The following SPATA16 variants were observed in gnomAD, a reference collection of about 807,000 sequenced individuals.
The protein encoded by SPATA16 is spermatogenesis-associated protein 16.
A neutral mutation model predicts 63.3 loss-of-function variants in SPATA16; 36 were observed. That is an observed-to-expected ratio of 0.57 (90% confidence interval 0.44 to 0.75). SPATA16 has a LOEUF of 0.75. Among genes scored for constraint, SPATA16 ranks in the 30% least tolerant of loss-of-function variants. The pLI is 0.00. For missense variants in SPATA16, 646 were observed against 679.3 expected (o/e 0.95, Z 0.54); for synonymous variants, 203 against 216.7 (o/e 0.94, Z 0.56).
intron 2 of SPATA16, among the ~76,000 whole-genome samples, chr3:173,098,019 C>A (rs1206551669): frequency 2.0e-5 from 3 of 152,006 alleles, no homozygotes; most frequent in Admixed American, 2.0e-4. Flanking sequence ...AGAGAAGAAG[C>A]CACATACTAT....
chr3:173,128,135 C>T (rs1007948778), intron 1 of SPATA16, among the ~76,000 whole-genome samples: 1 of 152,160 alleles, frequency 6.6e-6, no homozygotes, highest in African/African-American at 2.4e-5. Context: ...TATTTAGTGG[C>T]AATGGCAGGA....
Position 173,117,163 on chromosome 3 carries a change from T to G in SPATA16, c.569A>C (p.Lys190Thr), listed in dbSNP as rs975334320. ...CTGTCCTGCTGCCAAGGCGTATTTCTTTTGTCTATAGCAAGAGCTGGCATC... is the reference window on the plus strand; with the variant it reads ...CTGTCCTGCTGCCAAGGCGTATTTCGTTTGTCTATAGCAAGAGCTGGCATC... ...LKDASSCYRQKKYALAAGQFR... is the reference protein window; with the variant it reads ...LKDASSCYRQTKYALAAGQFR... Residue 190 changes from lysine to threonine, a missense_variant, in exon 2 of 11, where the codon AAG becomes ACG. Physicochemically the swap from Lys to Thr is moderately conservative, Grantham distance 78. Coordinates refer to ENST00000351008, the MANE Select transcript of SPATA16 (RefSeq NM_031955.6). 1 of 1,614,146 alleles carries G rather than the reference T, an allele frequency of 6.2e-7. No individual in the cohort carries two copies. The highest frequency in any genetic ancestry group is 8.5e-7 in the Non-Finnish European group (1 of 1,179,980).
At chr3:172,929,519 C>T (rs764046416) in intron 6 of SPATA16, among the ~76,000 whole-genome samples, 2 of 152,036 alleles carry the variant, frequency 1.3e-5, no homozygotes, top group Non-Finnish European at 2.9e-5. Context: ...TATTATTGTC[C>T]TCTCCTTAAA....
At chr3:173,033,617 G>A (rs1257049924) in intron 3 of SPATA16, among the ~76,000 whole-genome samples, 1 of 152,094 alleles carries the variant, frequency 6.6e-6, no homozygotes, top group Non-Finnish European at 1.5e-5. Context: ...GAGGGTGGAG[G>A]ATTGGTGATG....
At chr3:173,045,121 A>G (rs1397786896) in intron 3 of SPATA16, among the ~76,000 whole-genome samples, 2 of 152,102 alleles carry the variant, frequency 1.3e-5, no homozygotes, top group Admixed American at 1.3e-4. Context: ...CTAAGAACTT[A>G]CAGTAAATTC....
intron 2 of SPATA16, among the ~76,000 whole-genome samples, chr3:173,097,870 G>A (rs1737396963): frequency 6.6e-6 from 1 of 152,262 alleles, no homozygotes; most frequent in Admixed American, 6.5e-5. Context: ...TGGATCTTCT[G>A]GAAGAAAATA....
intron 2 of SPATA16, among the ~76,000 whole-genome samples, chr3:173,100,178 C>T (rs1737456078): frequency 2.0e-5 from 3 of 152,238 alleles, no homozygotes; most frequent in Middle Eastern, 3.4e-3. Context: ...TGAGCAGGCC[C>T]CTTAGTGTCA....
intron 1 of SPATA16, among the ~76,000 whole-genome samples, chr3:173,139,785 A>C (rs1738657562): frequency 6.6e-6 from 1 of 152,202 alleles, no homozygotes; most frequent in Non-Finnish European, 1.5e-5. Flanking sequence ...CAGGACTTTG[A>C]GACCAGCCTG....
intron 2 of SPATA16, among the ~76,000 whole-genome samples, chr3:173,112,993 C>A (rs917500842): frequency 2.0e-5 from 3 of 152,190 alleles, no homozygotes; most frequent in Non-Finnish European, 4.4e-5. Context: ...TTGATAATTT[C>A]TTTGAGTGTT....
intron 2 of SPATA16, among the ~76,000 whole-genome samples, chr3:173,109,819 C>A (rs1021154088): frequency 2.0e-5 from 3 of 152,090 alleles, no homozygotes; most frequent in Non-Finnish European, 4.4e-5. Context: ...TCCTTGAGGG[C>A]AGAAACTGTA....
Position 172,934,646 on chromosome 3 carries a change from A to C in SPATA16, c.1082-9154T>G, listed in dbSNP as rs565773995. Among the ~76,000 whole-genome samples, 3 of 152,286 alleles carry C rather than the reference A, an allele frequency of 2.0e-5. No individual in the cohort carries two copies. The South Asian group carries it at 6.2e-4, about 32-fold the overall frequency. ...CTGAATTATTAATGATAATTTAAAA[A>C]CAAAGAATTATGTACAAAATTATTA... On this transcript the variant is annotated intron_variant, in intron 6 of 10. Transcript: ENST00000351008.
intron 1 of SPATA16, among the ~76,000 whole-genome samples, chr3:173,137,630 C>T (rs1229840888): frequency 1.3e-5 from 2 of 152,148 alleles, no homozygotes; most frequent in Non-Finnish European, 1.5e-5. Context: ...TAATGACTCT[C>T]ATATTTAACA....
At chr3:173,038,226 C>G (rs1286387061) in intron 3 of SPATA16, among the ~76,000 whole-genome samples, 1 of 152,000 alleles carries the variant, frequency 6.6e-6, no homozygotes, top group Non-Finnish European at 1.5e-5. Flanking sequence ...TGGTTTGTCT[C>G]TTGCTACTTG....
chr3:172,983,872 C>T (rs1279440801), intron 4 of SPATA16, among the ~76,000 whole-genome samples: 2 of 152,064 alleles, frequency 1.3e-5, no homozygotes, highest in African/African-American at 4.8e-5. Context: ...AACCCAACCT[C>T]CTATGGTAGC....
chr3:173,103,605 A>G (rs73177042), intron 2 of SPATA16, among the ~76,000 whole-genome samples: 1,780 of 152,346 alleles, frequency 0.012, 13 homozygotes, highest in Middle Eastern at 0.031. Context: ...TGCAGGGAAA[A>G]GTGTCCTGAG....
chr3:173,033,683 C>T (rs1222975678), intron 3 of SPATA16, among the ~76,000 whole-genome samples: 2 of 151,902 alleles, frequency 1.3e-5, no homozygotes, highest in Admixed American at 6.6e-5. Context: ...CGCTGTGTTA[C>T]TTGGGTGAGG....
chr3:173,029,578 G>C (rs1735553231), intron 3 of SPATA16, among the ~76,000 whole-genome samples: 1 of 151,892 alleles, frequency 6.6e-6, no homozygotes, highest in Admixed American at 6.6e-5. Flanking sequence ...TTTGTAATGG[G>C]CTGTAAGGTT....
intron 8 of SPATA16, 100 bp from the exon 9 acceptor site, chr3:172,916,581 T>C: frequency 7.8e-7 from 1 of 1,286,700 alleles, no homozygotes; most frequent in Non-Finnish European, 1.1e-6. Flanking sequence ...TTTACATCTT[T>C]TGAAATAACG....
intron 2 of SPATA16, among the ~76,000 whole-genome samples, chr3:173,075,659 A>G (rs980253639): frequency 1.3e-5 from 2 of 152,192 alleles, no homozygotes; most frequent in African/African-American, 4.8e-5. Flanking sequence ...GTTAAGTGAA[A>G]TAAGACAGGC....
Sources: gnomAD v4.1 joint callset for allele counts (sites outside exome capture counted in the v4.1 genomes callset) on GRCh38, gnomAD v4.1.1 for gene constraint, MANE v1.5 for transcripts, NCBI Gene and HGNC (gene_info 2026-07-23, HGNC 2026-07-21) for gene names.